ATG16L1: variants seen among roughly 807,000 people sequenced by gnomAD.
The protein encoded by ATG16L1 is autophagy related 16 like 1.
Under a neutral mutation model 88.5 loss-of-function variants are expected in ATG16L1, and 37 were observed. That is an observed-to-expected ratio of 0.42 (90% CI 0.32 to 0.55). The LOEUF (loss-of-function observed/expected upper bound fraction) is 0.55. Ranked by LOEUF, ATG16L1 falls within the 20% of genes least tolerant of loss-of-function variation. ATG16L1 has a pLI of 0.13. For synonymous variants in ATG16L1, 301 were observed against 281.0 expected (o/e 1.07, Z -0.71); for missense variants, 554 against 752.8 (o/e 0.74, Z 3.09).
At chr2:233,258,355 C>T (rs915160573) in intron 2 of ATG16L1, among the ~76,000 whole-genome samples, 7 of 152,308 alleles carry the variant, frequency 4.6e-5, no homozygotes, top group African/African-American at 1.4e-4. Context: ...GTCTCCTCAT[C>T]TGGCACGATG....
At chr2:233,287,129 A>T (rs940187272) in intron 12 of ATG16L1, among the ~76,000 whole-genome samples, 1 of 152,158 alleles carries the variant, frequency 6.6e-6, no homozygotes, top group African/African-American at 2.4e-5. Context: ...AAGAGATTTG[A>T]TCCCATTCAT....
chr2:233,263,598 C>T (rs1413955598), intron 3 of ATG16L1, among the ~76,000 whole-genome samples: 1 of 152,166 alleles, frequency 6.6e-6, no homozygotes, highest in Non-Finnish European at 1.5e-5. Flanking sequence ...CAGAGACATT[C>T]GTGAGAAAGA....
chr2:233,260,623 G>A (rs1051837393), intron 2 of ATG16L1, among the ~76,000 whole-genome samples: 1 of 152,174 alleles, frequency 6.6e-6, no homozygotes, highest in Non-Finnish European at 1.5e-5. Flanking sequence ...GCACTTTAGG[G>A]GGCTGATATT....
chr2:233,280,380 C>G (rs1028736556), intron 10 of ATG16L1, among the ~76,000 whole-genome samples: 6 of 152,072 alleles, frequency 3.9e-5, no homozygotes, highest in Non-Finnish European at 7.3e-5. Flanking sequence ...TGGGATTGCC[C>G]GTTACTGAAA....
intron 5 of ATG16L1, among the ~76,000 whole-genome samples, chr2:233,265,498 C>T (rs1697502906): frequency 6.6e-6 from 1 of 152,170 alleles, no homozygotes; most frequent in South Asian, 2.1e-4. Context: ...GAGACAGAGT[C>T]TCGCTCTGTT....
At chr2:233,276,717 T>G (rs1161998255) in intron 9 of ATG16L1, among the ~76,000 whole-genome samples, 1 of 152,218 alleles carries the variant, frequency 6.6e-6, no homozygotes, top group Admixed American at 6.5e-5. Context: ...GCTCATGCGA[T>G]CTGCCCACCT....
intron 1 of ATG16L1, 72 bp downstream of exon 1, chr2:233,252,014 A>C: frequency 7.5e-7 from 1 of 1,337,624 alleles, no homozygotes; most frequent in Non-Finnish European, 9.8e-7. Flanking sequence ...GTCAGCGGGA[A>C]CCTGAGGCCG....
At chr2:233,269,625 A>G (rs775504579) in intron 5 of ATG16L1, among the ~76,000 whole-genome samples, 4 of 152,250 alleles carry the variant, frequency 2.6e-5, no homozygotes, top group Non-Finnish European at 5.9e-5. Flanking sequence ...CGAGTAATGG[A>G]TGCTCAACCC....
chr2:233,280,035 A>G (rs1698621162), intron 10 of ATG16L1, among the ~76,000 whole-genome samples: 1 of 152,244 alleles, frequency 6.6e-6, no homozygotes, highest in African/African-American at 2.4e-5. Flanking sequence ...TAAGAAAGCT[A>G]GGATCCAGAA....
At chr2:233,293,049 C>T (rs1699568387) in intron 16 of ATG16L1, among the ~76,000 whole-genome samples, 1 of 152,158 alleles carries the variant, frequency 6.6e-6, no homozygotes, top group African/African-American at 2.4e-5. Flanking sequence ...CAATGTGATG[C>T]CACTGTTCAT....
In ATG16L1 at chr2:233,286,686, C is replaced by T. The variant is rs775488521; in HGVS notation, c.1204-3168C>T. 1.9e-3 allele frequency among the ~76,000 whole-genome samples: 259 copies of T among 136,972 alleles called. 2 individuals carry two copies. The highest frequency in any genetic ancestry group is 3.2e-3 in the Non-Finnish European group (209 of 65,832). 89.9% of individuals were successfully genotyped at this position (136,972 alleles called of 152,430 possible). On this transcript the variant is annotated intron_variant, in intron 12 of 17. Coordinates refer to ENST00000392017, the MANE Select transcript of ATG16L1 (RefSeq NM_030803.7). Reference sequence around the variant, plus strand: ...AGTCACCCAGGCTGGAGTGCAGTGGCGTGATCTCTGCTCGCTGCAAGCTCT... The same window carrying T: ...AGTCACCCAGGCTGGAGTGCAGTGGTGTGATCTCTGCTCGCTGCAAGCTCT...
Position 233,251,961 on chromosome 2 carries a change from G to A in ATG16L1, c.115+19G>A, listed in dbSNP as rs1415419063. On this transcript the variant is annotated intron_variant, in intron 1 of 17. Transcript: ENST00000392017. ...CTGCAGTGTGAGCGGCGCCGGTGCG[G>A]GCTGGGAGTGGGGCGGGCGGGCCCC... The A allele has an allele frequency of 1.3e-6, 2 of 1,520,144 alleles. No homozygotes were observed. Among genetic ancestry groups the A allele is most frequent in the African/African-American group, 1.4e-5 (1 of 70,230 alleles). The allele number at this position is 1,520,144 out of a possible 1,614,324, so 94.2% of individuals were successfully genotyped here. A position where few individuals can be genotyped will look rare whatever the true frequency, so the allele number is the denominator to read the frequency against.
intron 10 of ATG16L1, among the ~76,000 whole-genome samples, chr2:233,278,429 A>G (rs1046004440): frequency 2.6e-5 from 4 of 152,248 alleles, no homozygotes; most frequent in Non-Finnish European, 5.9e-5. Context: ...GCTGCGACAC[A>G]CACATTATCC....
intron 13 of ATG16L1, 28 bp downstream of exon 13, chr2:233,290,002 G>C (rs773640053): frequency 1.3e-5 from 21 of 1,610,684 alleles, no homozygotes; most frequent in Non-Finnish European, 1.8e-5. Context: ...CTCTGTCTGT[G>C]TATATGCTTA....
rs570754671 is a variant in ATG16L1 at position 233,253,332 on chromosome 2, G to GTTTTTTTTTTTTTTTTTTTTTTTTTTTT, written c.115+1397_115+1398insTTTTTTTTTTTTTTTTTTTTTTTTTTTT. 2.7e-5 allele frequency among the ~76,000 whole-genome samples: 3 copies of GTTTTTTTTTTTTTTTTTTTTTTTTTTTT among 112,890 alleles called. 1 individual carries two copies. Among genetic ancestry groups the GTTTTTTTTTTTTTTTTTTTTTTTTTTTT allele is most frequent in the Non-Finnish European group, 5.4e-5 (3 of 55,962 alleles). 74.1% of individuals were successfully genotyped at this position (112,890 alleles called of 152,430 possible). A position where few individuals can be genotyped will look rare whatever the true frequency, so the allele number is the denominator to read the frequency against. On this transcript the variant is annotated intron_variant, in intron 1 of 17. Transcript: ENST00000392017. ...CACAGCAGGTTAATGGTGAGACTGG[G>GTTTTTTTTTTTTTTTTTTTTTTTTTTTT]TTTTTTTGTTTTTTTTTTTTTTTTT...
At position 233,295,192 on chromosome 2, in the gene ATG16L1, C is replaced by T. The variant is rs1315570210; in HGVS notation, c.*842C>T. The T allele has an allele frequency of 6.5e-6, 1 of 152,792 alleles. No homozygotes were observed. Among genetic ancestry groups the T allele is most frequent in the Non-Finnish European group, 1.5e-5 (1 of 68,048 alleles). The allele number at this position is 152,792 out of a possible 1,614,324, so 9.5% of individuals were successfully genotyped here. A position where few individuals can be genotyped will look rare whatever the true frequency, so the allele number is the denominator to read the frequency against. On this transcript the variant is annotated 3_prime_UTR_variant, in exon 18 of 18. Coordinates refer to ENST00000392017, the MANE Select transcript of ATG16L1 (RefSeq NM_030803.7). ...GGTGGTGATTCTGGCCATGGCCCCT[C>T]TGCCAAGCCTGTGTGCGATGCCCTT...
Position 233,292,684 on chromosome 2 carries a change from C to T in ATG16L1, c.1628+250C>T, listed in dbSNP as rs111556465. ...GGCTGGTTGCTTTGTTGTGGGTGAG[C>T]CCATTAGGTTCACTTCTCATCACTC... On this transcript the variant is annotated intron_variant, in intron 16 of 17. Transcript: ENST00000392017. 4.5e-3 allele frequency among the ~76,000 whole-genome samples: 681 copies of T among 152,290 alleles called. 3 individuals carry two copies. Among genetic ancestry groups the T allele is most frequent in the African/African-American group, 0.015 (643 of 41,556 alleles).
intron 9 of ATG16L1, 38 bp downstream of exon 9, chr2:233,274,816 T>TA (rs774184295): frequency 1.0e-5 from 15 of 1,497,808 alleles, no homozygotes; most frequent in South Asian, 2.3e-5. Flanking sequence ...CCACGCTTGA[T>TA]ATGGTGACAG....
At position 233,251,733 on chromosome 2, in the gene ATG16L1, G is replaced by C; in HGVS notation, c.-95G>C. On this transcript the variant is annotated 5_prime_UTR_variant, in exon 1 of 18. Coordinates refer to ENST00000392017, the MANE Select transcript of ATG16L1 (RefSeq NM_030803.7). ...GTGGAGGTGAGCTCCGGGATTGCCG[G>C]CATTCCCGCTTCTGCTGGTTGCTTC... 1 of 1,141,930 alleles carries C rather than the reference G, an allele frequency of 8.8e-7. No homozygotes were observed. Among genetic ancestry groups the C allele is most frequent in the South Asian group, 1.3e-5 (1 of 75,660 alleles). 70.7% of individuals were successfully genotyped at this position (1,141,930 alleles called of 1,614,324 possible).
Sources: allele counts gnomAD v4.1 joint callset (sites outside exome capture counted in the v4.1 genomes callset), GRCh38; gene constraint gnomAD v4.1.1; transcripts MANE v1.5; gene names NCBI Gene and HGNC (gene_info 2026-07-23, HGNC 2026-07-21).